Variants in OPCML observed in about 807,000 individuals in gnomAD.
The protein encoded by OPCML is opioid binding protein/cell adhesion molecule like.
In OPCML, 13 loss-of-function variants were observed where a neutral mutation model predicts 37.8. The observed-to-expected ratio is 0.34, with a 90% CI of 0.22 to 0.55. The LOEUF (loss-of-function observed/expected upper bound fraction) is 0.55. OPCML is among the 20% of genes least tolerant of loss of function. The probability of loss-of-function intolerance (pLI) is 0.91; values close to 1 mark genes in which losing one functional copy is unlikely to be tolerated. For missense variants in OPCML, 341 were observed against 435.6 expected (o/e 0.78, Z 1.93); for synonymous variants, 176 against 168.8 (o/e 1.04, Z -0.33).
chr11:132,740,598 C>T (rs1042346920), intron 2 of OPCML, among the ~76,000 whole-genome samples: 1 of 152,086 alleles, frequency 6.6e-6, no homozygotes, highest in East Asian at 1.9e-4. Flanking sequence ...TATCACCTCG[C>T]TACTCTATCT....
intron 1 of OPCML, among the ~76,000 whole-genome samples, chr11:133,166,669 C>T (rs1174231126): frequency 3.3e-5 from 5 of 152,262 alleles, no homozygotes; most frequent in East Asian, 3.9e-4. Flanking sequence ...GGCTCTGAGC[C>T]GGACCGTGCT....
At chr11:132,915,778 C>G (rs1201082904) in intron 2 of OPCML, among the ~76,000 whole-genome samples, 1 of 152,176 alleles carries the variant, frequency 6.6e-6, no homozygotes, top group Non-Finnish European at 1.5e-5. Context: ...CAAGTAATTG[C>G]TCATTCATAT....
chr11:133,058,565 A>G (rs191462474), intron 1 of OPCML, among the ~76,000 whole-genome samples: 13 of 152,274 alleles, frequency 8.5e-5, no homozygotes, highest in African/African-American at 1.4e-4. Context: ...TGCACCTCCT[A>G]GAGCCTAGAG....
chr11:133,294,815 C>CTTTTTTTTTTTTTTTTTTT (rs59382534), intron 1 of OPCML, among the ~76,000 whole-genome samples: 12 of 56,556 alleles, frequency 2.1e-4, no homozygotes, highest in Non-Finnish European at 2.9e-4. Context: ...TTCTTTCTTT[C>CTTTTTTTTTTTTTTTTTTT]TTTTTTTTTT....
intron 1 of OPCML, among the ~76,000 whole-genome samples, chr11:133,155,388 A>ATT (rs1206022825): frequency 6.6e-6 from 1 of 151,904 alleles, no homozygotes; most frequent in Non-Finnish European, 1.5e-5. Context: ...TCAAAAGATC[A>ATT]TTTTTCACCA....
intron 1 of OPCML, among the ~76,000 whole-genome samples, chr11:133,346,903 C>A (rs570206147): frequency 1.3e-5 from 2 of 152,004 alleles, no homozygotes; most frequent in Non-Finnish European, 1.5e-5. Context: ...TGATTTGATG[C>A]GGATCTTCTA....
At chr11:133,052,074 T>G (rs1186076959) in intron 1 of OPCML, among the ~76,000 whole-genome samples, 1 of 152,192 alleles carries the variant, frequency 6.6e-6, no homozygotes, top group African/African-American at 2.4e-5. Context: ...CAAAGAGATT[T>G]GAAGATTTTA....
chr11:132,686,148 G>A (rs1209848065), intron 2 of OPCML, among the ~76,000 whole-genome samples: 1 of 152,148 alleles, frequency 6.6e-6, no homozygotes, highest in Non-Finnish European at 1.5e-5. Flanking sequence ...GCATCAGGCT[G>A]TCCTTCAGGT....
intron 1 of OPCML, among the ~76,000 whole-genome samples, chr11:133,114,471 C>T (rs1949301891): frequency 6.6e-6 from 1 of 152,250 alleles, no homozygotes; most frequent in African/African-American, 2.4e-5. Context: ...CCATCTGGGA[C>T]CAAATCAGTC....
At chr11:132,695,184 G>A (rs1017977994) in intron 2 of OPCML, among the ~76,000 whole-genome samples, 1 of 150,842 alleles carries the variant, frequency 6.6e-6, no homozygotes, top group African/African-American at 2.5e-5. Context: ...TGAAAAATAC[G>A]GAGAGAGAGT....
At chr11:132,424,398 T>C (rs933330644) in intron 7 of OPCML, among the ~76,000 whole-genome samples, 2 of 152,142 alleles carry the variant, frequency 1.3e-5, no homozygotes, top group African/African-American at 4.8e-5. Context: ...GGATTACAGG[T>C]GTAAGCCACC....
chr11:132,901,244 T>C (rs1256605156), intron 2 of OPCML, among the ~76,000 whole-genome samples: 1 of 152,116 alleles, frequency 6.6e-6, no homozygotes, highest in Non-Finnish European at 1.5e-5. Flanking sequence ...TGTTTGCTCC[T>C]TATCATAGGC....
At chr11:132,882,973 A>G (rs1456900603) in intron 2 of OPCML, among the ~76,000 whole-genome samples, 1 of 152,212 alleles carries the variant, frequency 6.6e-6, no homozygotes. Context: ...GAATAAGTCC[A>G]AAAATATACA....
At chr11:132,898,553 G>A (rs1943933427) in intron 2 of OPCML, among the ~76,000 whole-genome samples, 1 of 152,140 alleles carries the variant, frequency 6.6e-6, no homozygotes, top group South Asian at 2.1e-4. Context: ...TACAGCACCA[G>A]CTAACGTTGC....
At chr11:133,154,390 C>T (rs1171989943) in intron 1 of OPCML, among the ~76,000 whole-genome samples, 2 of 152,108 alleles carry the variant, frequency 1.3e-5, no homozygotes, top group Non-Finnish European at 2.9e-5. Flanking sequence ...TCCACCCTTA[C>T]TTTTCTCAGG....
Position 133,338,593 on chromosome 11 carries a change from G to A in OPCML, c.61+193671C>T, listed in dbSNP as rs11828644. Reference sequence around the variant, plus strand: ...CTCTGCACTGGACTTACCACAAAAAGGCTCAGAAGGCAACATTTGCCACTC... The same window carrying A: ...CTCTGCACTGGACTTACCACAAAAAAGCTCAGAAGGCAACATTTGCCACTC... On this transcript the variant is annotated intron_variant, in intron 1 of 7. Coordinates refer to ENST00000524381, the MANE Select transcript of OPCML (RefSeq NM_001012393.5). Among the ~76,000 whole-genome samples, 230 of 152,294 alleles carry A rather than the reference G, an allele frequency of 1.5e-3. 1 individual carries two copies. The highest frequency in any genetic ancestry group is 5.2e-3 in the African/African-American group (217 of 41,570).
intron 2 of OPCML, among the ~76,000 whole-genome samples, chr11:132,900,163 G>A (rs1943999074): frequency 6.6e-6 from 1 of 152,112 alleles, no homozygotes; most frequent in African/African-American, 2.4e-5. Flanking sequence ...ATTCCAAGTA[G>A]CCATGCCCAC....
intron 3 of OPCML, among the ~76,000 whole-genome samples, chr11:132,614,157 G>A (rs901503630): frequency 2.0e-5 from 3 of 151,914 alleles, no homozygotes; most frequent in Admixed American, 6.6e-5. Flanking sequence ...AAAGACTCCC[G>A]GTTCCGGTTC....
At chr11:133,408,875 A>C (rs1183825699) in intron 1 of OPCML, among the ~76,000 whole-genome samples, 1 of 152,316 alleles carries the variant, frequency 6.6e-6, no homozygotes, top group South Asian at 2.1e-4. Context: ...CTGTAATAAT[A>C]GAGTCTGGGG....
Sources: allele counts gnomAD v4.1 joint callset (sites outside exome capture counted in the v4.1 genomes callset), GRCh38; gene constraint gnomAD v4.1.1; transcripts MANE v1.5; gene names NCBI Gene and HGNC (gene_info 2026-07-23, HGNC 2026-07-21).